VEPH1: variants seen among roughly 807,000 people sequenced by gnomAD.
VEPH1 encodes the protein ventricular zone expressed PH domain containing 1, also known as ventricular zone-expressed PH domain-containing protein homolog 1.
Under a neutral mutation model 85.2 loss-of-function variants are expected in VEPH1, and 80 were observed. The ratio of observed to expected loss-of-function variants is 0.94; its 90% CI spans 0.78 to 1.13. VEPH1 has a LOEUF of 1.13. Ranked by LOEUF, VEPH1 falls within the 50% of genes most tolerant of loss-of-function variation. The pLI is 0.00. For missense variants in VEPH1, 955 were observed against 980.5 expected (o/e 0.97, Z 0.35); for synonymous variants, 297 against 348.0 (o/e 0.85, Z 1.63).
At chr3:157,349,117 T>C (rs900822994) in intron 9 of VEPH1, among the ~76,000 whole-genome samples, 8 of 152,196 alleles carry the variant, frequency 5.3e-5, no homozygotes, top group Admixed American at 4.6e-4. Context: ...CTGATGAAGA[T>C]AGATGGAAAA....
At chr3:157,368,811 G>A (rs1727056752) in intron 7 of VEPH1, among the ~76,000 whole-genome samples, 1 of 151,960 alleles carries the variant, frequency 6.6e-6, no homozygotes, top group Non-Finnish European at 1.5e-5. Flanking sequence ...ATTTTTAAGT[G>A]TAGGTATATC....
At chr3:157,457,290 T>C (rs895087936) in intron 4 of VEPH1, among the ~76,000 whole-genome samples, 3 of 152,194 alleles carry the variant, frequency 2.0e-5, no homozygotes, top group Non-Finnish European at 4.4e-5. Flanking sequence ...GTTGAGACTA[T>C]GGCATTTTCT....
intron 2 of VEPH1, among the ~76,000 whole-genome samples, chr3:157,475,163 T>A (rs970949281): frequency 1.3e-5 from 2 of 150,480 alleles, no homozygotes; most frequent in Non-Finnish European, 3.0e-5. Flanking sequence ...TAATTTTTTT[T>A]TTTTTTTTTG....
chr3:157,452,991 G>A (rs1017874108), intron 4 of VEPH1, among the ~76,000 whole-genome samples: 1 of 152,166 alleles, frequency 6.6e-6, no homozygotes, highest in Non-Finnish European at 1.5e-5. Flanking sequence ...ACCTAAGCCT[G>A]ACCAACTGAA....
chr3:157,288,414 A>T (rs1717053190), intron 11 of VEPH1, among the ~76,000 whole-genome samples: 1 of 152,232 alleles, frequency 6.6e-6, no homozygotes, highest in Non-Finnish European at 1.5e-5. Context: ...TCCTGATTGC[A>T]TCCCAAAGCT....
chr3:157,262,869 T>C (rs1343503991), intron 13 of VEPH1, among the ~76,000 whole-genome samples: 1 of 152,196 alleles, frequency 6.6e-6, no homozygotes, highest in Non-Finnish European at 1.5e-5. Flanking sequence ...CCTAATTTGG[T>C]TTACAGTAAG....
intron 11 of VEPH1, among the ~76,000 whole-genome samples, chr3:157,297,612 A>G (rs1338401923): frequency 6.6e-6 from 1 of 152,148 alleles, no homozygotes; most frequent in East Asian, 1.9e-4. Context: ...AGAAGCAGAG[A>G]GAAAGAATGC....
At chr3:157,297,516 G>A (rs78914299) in intron 11 of VEPH1, among the ~76,000 whole-genome samples, 6,054 of 152,206 alleles carry the variant, frequency 0.04, 416 homozygotes, top group African/African-American at 0.14. Context: ...ATAGATGAGT[G>A]TAATGATAAA....
rs201347560 is a variant in VEPH1, at chr3:157,285,914, TGTCA to T, written c.2128+639_2128+642del. 2.8e-3 allele frequency among the ~76,000 whole-genome samples: 431 copies of T among 152,288 alleles called. 3 individuals carry two copies. The highest frequency in any genetic ancestry group is 9.8e-3 in the African/African-American group (409 of 41,560). On this transcript the variant is annotated intron_variant, in intron 12 of 13. Coordinates refer to ENST00000362010, the MANE Select transcript of VEPH1 (RefSeq NM_001167912.2). ...TTCCTCATCAGTAAAGCAGAGATAA[TGTCA>T]GTATTTTCCTCATAAGAGTATTGCA...
At chr3:157,402,368 A>C (rs1208546770) in intron 6 of VEPH1, among the ~76,000 whole-genome samples, 4 of 152,190 alleles carry the variant, frequency 2.6e-5, no homozygotes, top group Non-Finnish European at 4.4e-5. Flanking sequence ...TGGATGAAGA[A>C]AGGAAGATTT....
intron 4 of VEPH1, chr3:157,442,925 T>A: frequency 6.2e-7 from 1 of 1,614,038 alleles, no homozygotes; most frequent in African/African-American, 1.3e-5. Context: ...GGAATATTGT[T>A]GGGTGGGGAG....
intron 7 of VEPH1, among the ~76,000 whole-genome samples, chr3:157,373,065 A>G (rs1184728121): frequency 2.6e-5 from 4 of 152,196 alleles, no homozygotes; most frequent in Non-Finnish European, 4.4e-5. Context: ...AATCTGGTAC[A>G]TGAATTGCTT....
At chr3:157,380,726 C>G (rs1016167139) in intron 7 of VEPH1, among the ~76,000 whole-genome samples, 2 of 152,162 alleles carry the variant, frequency 1.3e-5, no homozygotes, top group African/African-American at 4.8e-5. Flanking sequence ...CTGCTATTCT[C>G]CCATTATGCA....
At chr3:157,417,960 C>G (rs1732045341) in intron 5 of VEPH1, among the ~76,000 whole-genome samples, 2 of 152,080 alleles carry the variant, frequency 1.3e-5, no homozygotes, top group African/African-American at 4.8e-5. Flanking sequence ...CTATTTCTAC[C>G]CCTGGCTTTG....
chr3:157,270,588 T>C (rs886593292), intron 12 of VEPH1, among the ~76,000 whole-genome samples: 1 of 152,140 alleles, frequency 6.6e-6, no homozygotes, highest in Non-Finnish European at 1.5e-5. Context: ...CAACATGAAG[T>C]TGATGAGTAA....
At chr3:157,267,391 C>A (rs1378885091) in intron 12 of VEPH1, among the ~76,000 whole-genome samples, 1 of 151,844 alleles carries the variant, frequency 6.6e-6, no homozygotes, top group Non-Finnish European at 1.5e-5. Context: ...GCCACCATGC[C>A]CAGCCGAAAT....
rs532169167 is a variant in VEPH1, at chr3:157,483,170, T to C, written c.138+12042A>G. 2.0e-5 allele frequency among the ~76,000 whole-genome samples: 3 copies of C among 151,134 alleles called. No individual in the cohort carries two copies. The South Asian group carries it at 6.3e-4, about 31-fold the overall frequency. On this transcript the variant is annotated intron_variant, in intron 2 of 13. Coordinates refer to ENST00000362010, the MANE Select transcript of VEPH1 (RefSeq NM_001167912.2). Reference sequence around the variant, plus strand: ...CACACACACAATGTGTATATAATGATACATTATGCCATTTATTCTATCACT... The same window carrying C: ...CACACACACAATGTGTATATAATGACACATTATGCCATTTATTCTATCACT...
At chr3:157,361,592 G>C (rs1280435207) in intron 9 of VEPH1, among the ~76,000 whole-genome samples, 2 of 152,230 alleles carry the variant, frequency 1.3e-5, no homozygotes, top group Non-Finnish European at 2.9e-5. Flanking sequence ...GATCATGCCA[G>C]AGTGCTAGAA....
Position 157,381,592 on chromosome 3 carries a change from G to A in VEPH1, c.907-216C>T, listed in dbSNP as rs1577509303. ...AAACTAGCCGGGCACAGTGGCACAT[G>A]CCTGTAATCCCAGCTACTTGAGAGG... On this transcript the variant is annotated intron_variant, in intron 6 of 13. Coordinates refer to ENST00000362010, the MANE Select transcript of VEPH1 (RefSeq NM_001167912.2). 3 of 546,582 alleles carry A rather than the reference G, an allele frequency of 5.5e-6. No homozygotes were observed. In the African/African-American group the frequency reaches 5.7e-5, roughly 10 times the overall value. 33.9% of individuals were successfully genotyped at this position (546,582 alleles called of 1,614,324 possible). A position where few individuals can be genotyped will look rare whatever the true frequency, so the allele number is the denominator to read the frequency against.
Sources: allele counts gnomAD v4.1 joint callset (sites outside exome capture counted in the v4.1 genomes callset), GRCh38; gene constraint gnomAD v4.1.1; transcripts MANE v1.5; gene names NCBI Gene and HGNC (gene_info 2026-07-23, HGNC 2026-07-21).